RERE: variants seen among roughly 807,000 people sequenced by gnomAD.
RERE encodes arginine-glutamic acid dipeptide repeats protein.
In RERE, 40 loss-of-function variants were observed where a neutral mutation model predicts 146.1. That is an observed-to-expected ratio of 0.27 (90% CI 0.21 to 0.36). The LOEUF (loss-of-function observed/expected upper bound fraction) is 0.36, where lower values mean the gene tolerates loss of function less well. Among genes scored for constraint, RERE ranks in the 10% least tolerant of loss-of-function variants. The pLI is 1.00. For synonymous variants in RERE, 1,003 were observed against 866.0 expected (o/e 1.16, Z -2.78); for missense variants, 1,933 against 2,138.7 (o/e 0.90, Z 1.90).
At chr1:8,482,570 T>C (rs959165857) in intron 10 of RERE, among the ~76,000 whole-genome samples, 1 of 149,076 alleles carries the variant, frequency 6.7e-6, no homozygotes, top group Non-Finnish European at 1.5e-5. Flanking sequence ...TAGTCCCAGC[T>C]ACTTGGGAGG....
At chr1:8,537,017 A>G (rs1320600176) in intron 7 of RERE, among the ~76,000 whole-genome samples, 3 of 152,120 alleles carry the variant, frequency 2.0e-5, no homozygotes, top group Non-Finnish European at 4.4e-5. Flanking sequence ...AGCCTGGGGA[A>G]CATAGTGAGA....
intron 2 of RERE, among the ~76,000 whole-genome samples, chr1:8,625,222 G>C (rs1167255087): frequency 6.6e-6 from 1 of 152,078 alleles, no homozygotes; most frequent in Non-Finnish European, 1.5e-5. Context: ...GCCACCCGAA[G>C]TGTCAGGATT....
chr1:8,557,505 G>A lies in RERE; in HGVS notation c.541C>T (p.Leu181Phe). The A allele has an allele frequency of 1.9e-6, 3 of 1,611,622 alleles. No individual in the cohort carries two copies. The highest frequency in any genetic ancestry group is 2.5e-6 in the Non-Finnish European group (3 of 1,177,732). ...CGGTAGTACCATTTGACGTTCATGA[G>A]GAGATGGTCCCTCTTACTCTGAAAA... ...GPVGSKRDHLLMNVKWYYRQS... is the reference protein window; with the variant it reads ...GPVGSKRDHLFMNVKWYYRQS... The change falls in exon 5 of 23, where the codon CTC (leucine) becomes TTC (phenylalanine). Residue 181 changes from leucine to phenylalanine, a missense_variant. Leu to Phe is a conservative substitution (Grantham distance 22). This residue lies in a region of RERE where 74 missense variants were observed against 99.6 expected (regional missense o/e 0.74). Coordinates refer to ENST00000400908, the MANE Select transcript of RERE (RefSeq NM_001042681.2).
At chr1:8,686,685 G>A (rs563724907) in intron 1 of RERE, among the ~76,000 whole-genome samples, 1 of 152,236 alleles carries the variant, frequency 6.6e-6, no homozygotes, top group South Asian at 2.1e-4. Context: ...GGGAGGTGGC[G>A]GTTGCAGTAA....
intron 1 of RERE, among the ~76,000 whole-genome samples, chr1:8,706,111 T>TC (rs1211989985): frequency 0.021 from 1,232 of 58,200 alleles, 29 homozygotes; most frequent in African/African-American, 0.083. Flanking sequence ...AGACTCCGTC[T>TC]CCAAAAAAAA....
At chr1:8,444,003 C>G (rs1418223050) in intron 11 of RERE, among the ~76,000 whole-genome samples, 1 of 152,152 alleles carries the variant, frequency 6.6e-6, no homozygotes, top group East Asian at 1.9e-4. Context: ...TTGGAGGGCC[C>G]ACACAGAGTC....
At chr1:8,355,269 C>T in intron 22 of RERE, 149 bp from the exon 23 acceptor site, 1 of 1,138,496 alleles carries the variant, frequency 8.8e-7, no homozygotes, top group Non-Finnish European at 1.3e-6. Context: ...CAACACCTCC[C>T]TTCCTCTGTT....
intron 4 of RERE, among the ~76,000 whole-genome samples, chr1:8,592,765 T>G (rs1458005834): frequency 6.6e-6 from 1 of 152,120 alleles, no homozygotes; most frequent in Non-Finnish European, 1.5e-5. Flanking sequence ...CACCCTATCC[T>G]AGGAGAATCA....
intron 12 of RERE, among the ~76,000 whole-genome samples, chr1:8,374,565 C>CCA (rs1642167460): frequency 6.6e-6 from 1 of 152,128 alleles, no homozygotes; most frequent in East Asian, 1.9e-4. Context: ...TGAGGTCCTG[C>CCA]CACAGCTCTT....
chr1:8,604,883 T>C (rs1443279307), intron 4 of RERE, among the ~76,000 whole-genome samples: 6 of 152,248 alleles, frequency 3.9e-5, no homozygotes, highest in Non-Finnish European at 8.8e-5. Context: ...TGCTAAACTT[T>C]TGTAAGGCAC....
chr1:8,365,594 T>C (rs1173901886), intron 13 of RERE, among the ~76,000 whole-genome samples: 1 of 152,206 alleles, frequency 6.6e-6, no homozygotes, highest in Non-Finnish European at 1.5e-5. Flanking sequence ...TATTTAAATG[T>C]ACAAATAATG....
intron 12 of RERE, among the ~76,000 whole-genome samples, chr1:8,395,965 T>C (rs1643041346): frequency 6.6e-6 from 1 of 152,158 alleles, no homozygotes; most frequent in Non-Finnish European, 1.5e-5. Context: ...AAGGCATAGG[T>C]GACACCACCC....
At chr1:8,509,366 A>C (rs1645299380) in intron 7 of RERE, among the ~76,000 whole-genome samples, 1 of 152,128 alleles carries the variant, frequency 6.6e-6, no homozygotes. Flanking sequence ...TATAAAATAC[A>C]AATAAGAAAA....
chr1:8,539,142 TTAAA>T lies in RERE; in HGVS notation c.830+2068_830+2071del, dbSNP rs565304215. 1.1e-4 allele frequency among the ~76,000 whole-genome samples: 16 copies of T among 152,324 alleles called. No homozygotes were observed. The South Asian group carries it at 3.3e-3, about 32-fold the overall frequency. ...GTGCAACAGGAAAACTATCAAGTGA[TTAAA>T]TAAGCACAATATCACTAAAATAACA... On this transcript the variant is annotated intron_variant, in intron 7 of 22. Transcript: ENST00000400908.
chr1:8,413,082 A>G (rs1643657104), intron 12 of RERE, among the ~76,000 whole-genome samples: 1 of 152,230 alleles, frequency 6.6e-6, no homozygotes, highest in African/African-American at 2.4e-5. Context: ...ACCCATGATT[A>G]CAATGTATTT....
chr1:8,467,653 CTTTTT>C (rs966069139), intron 10 of RERE, among the ~76,000 whole-genome samples: 64 of 151,400 alleles, frequency 4.2e-4, no homozygotes, highest in African/African-American at 1.5e-3. Context: ...TTATTTTTTT[CTTTTT>C]TTTTGAGACG....
intron 2 of RERE, among the ~76,000 whole-genome samples, chr1:8,652,710 A>G (rs1037556301): frequency 2.0e-5 from 3 of 152,248 alleles, no homozygotes; most frequent in Admixed American, 6.5e-5. Context: ...ACTCACTATC[A>G]TAAGAACATG....
At chr1:8,479,300 T>A (rs982263870) in intron 10 of RERE, among the ~76,000 whole-genome samples, 5 of 147,284 alleles carry the variant, frequency 3.4e-5, no homozygotes, top group East Asian at 1.9e-4. Context: ...ATTTTTTAAA[T>A]TTTTTTTAAA....
chr1:8,696,235 A>C (rs1039252706), intron 1 of RERE, among the ~76,000 whole-genome samples: 15 of 152,164 alleles, frequency 9.9e-5, no homozygotes, highest in Non-Finnish European at 1.8e-4. Flanking sequence ...ATACACATGC[A>C]CTCGTATGTT....
Sources: gnomAD v4.1 joint callset for allele counts (sites outside exome capture counted in the v4.1 genomes callset) on GRCh38, gnomAD v4.1.1 for gene constraint, gnomAD v4.1.1 regional missense constraint, MANE v1.5 for transcripts, NCBI Gene and HGNC (gene_info 2026-07-23, HGNC 2026-07-21) for gene names.